RPGRIP1L: variants seen among roughly 807,000 people sequenced by gnomAD.
RPGRIP1L encodes the protein RPGRIP1 like, also known as protein fantom.
Under a neutral mutation model 160.4 loss-of-function variants are expected in RPGRIP1L, and 131 were observed. The observed-to-expected ratio is 0.82, with a 90% CI of 0.71 to 0.94. The LOEUF (loss-of-function observed/expected upper bound fraction) is 0.94, where lower values mean the gene tolerates loss of function less well. Among genes scored for constraint, RPGRIP1L ranks in the 40% least tolerant of loss-of-function variants. The pLI, the probability that RPGRIP1L is intolerant of heterozygous loss-of-function variation, is 0.00. For synonymous variants in RPGRIP1L, 510 were observed against 515.8 expected (o/e 0.99, Z 0.15); for missense variants, 1,522 against 1,535.8 (o/e 0.99, Z 0.15).
intron 22 of RPGRIP1L, among the ~76,000 whole-genome samples, chr16:53,626,224 T>G (rs1965168025): frequency 1.3e-5 from 2 of 150,234 alleles, no homozygotes; most frequent in Non-Finnish European, 3.0e-5. Context: ...AATAATATAC[T>G]GATTCAAATG....
intron 6 of RPGRIP1L, among the ~76,000 whole-genome samples, chr16:53,680,139 ATGTTAAGTCAC>A (rs1236742236): frequency 1.3e-5 from 2 of 152,206 alleles, no homozygotes; most frequent in African/African-American, 4.8e-5. Flanking sequence ...GCAGGAGGCT[ATGTTAAGTCAC>A]TATCAAGGAA....
At chr16:53,703,411 T>C (rs145409991) in intron 1 of RPGRIP1L, 4 of 152,406 alleles carry the variant, frequency 2.6e-5, no homozygotes, top group Non-Finnish European at 4.4e-5. Context: ...ACAAATAATA[T>C]ATAATTAAGC....
chr16:53,697,506 C>T (rs1482339528), intron 2 of RPGRIP1L, among the ~76,000 whole-genome samples: 6 of 152,030 alleles, frequency 3.9e-5, no homozygotes, highest in African/African-American at 9.6e-5. Flanking sequence ...CGATTGCAGG[C>T]GCACGCCGCC....
intron 22 of RPGRIP1L, among the ~76,000 whole-genome samples, chr16:53,632,904 C>T (rs1965609387): frequency 6.6e-6 from 1 of 152,182 alleles, no homozygotes; most frequent in Admixed American, 6.5e-5. Flanking sequence ...TGAATGCTCC[C>T]ATAGCACCCC....
At chr16:53,615,848 C>T (rs1256992241) in intron 24 of RPGRIP1L, among the ~76,000 whole-genome samples, 5 of 152,090 alleles carry the variant, frequency 3.3e-5, no homozygotes, top group African/African-American at 1.2e-4. Context: ...CTGTCCACCT[C>T]AGCCTCCCAA....
In RPGRIP1L at chr16:53,652,517, C is replaced by A. The variant is rs779046720; in HGVS notation, c.2152+18G>T. 2 of 1,589,916 alleles carry A rather than the reference C, an allele frequency of 1.3e-6. No individual in the cohort carries two copies. The highest frequency in any genetic ancestry group is 1.7e-6 in the Non-Finnish European group (2 of 1,158,324). ...AAATTAGTAATTCAAACACCCAAGG[C>A]TTATACATTGTACTTACCAATCAAA... On this transcript the variant is annotated intron_variant, in intron 15 of 26. Transcript: ENST00000647211.
intron 24 of RPGRIP1L, among the ~76,000 whole-genome samples, chr16:53,618,051 C>G (rs190041640): frequency 6.6e-6 from 1 of 152,176 alleles, no homozygotes; most frequent in Admixed American, 6.5e-5. Context: ...TATTCCTCTC[C>G]AATTATATAC....
At chr16:53,643,356 CT>C (rs1966359925) in intron 17 of RPGRIP1L, among the ~76,000 whole-genome samples, 1 of 150,214 alleles carries the variant, frequency 6.7e-6, no homozygotes, top group Admixed American at 6.6e-5. Flanking sequence ...CTATTTATAG[CT>C]CATGATGTGG....
chr16:53,621,881 G>C (rs1327269490), intron 23 of RPGRIP1L, among the ~76,000 whole-genome samples: 3 of 151,424 alleles, frequency 2.0e-5, no homozygotes, highest in Admixed American at 6.6e-5. Flanking sequence ...AAATCAATCG[G>C]GTGTGGTGGC....
intron 25 of RPGRIP1L, among the ~76,000 whole-genome samples, chr16:53,609,151 C>A (rs1295655612): frequency 6.6e-6 from 1 of 152,210 alleles, no homozygotes; most frequent in East Asian, 1.9e-4. Flanking sequence ...TACAGTGGCA[C>A]AACCATTGCT....
rs1056099030 is a variant in RPGRIP1L at position 53,600,407 on chromosome 16, G to C, written c.*1669C>G. 6 of 152,612 alleles carry C rather than the reference G, an allele frequency of 3.9e-5. No homozygotes were observed. Among genetic ancestry groups the C allele is most frequent in the African/African-American group, 1.4e-4 (6 of 41,428 alleles). 9.5% of individuals were successfully genotyped at this position (152,612 alleles called of 1,614,324 possible). A position where few individuals can be genotyped will look rare whatever the true frequency, so the allele number is the denominator to read the frequency against. ...CCAGAAGGTTCCAGAGGAACGAGTT[G>C]TTATGAAGATTTGCAGAGTTGGATG... On this transcript the variant is annotated 3_prime_UTR_variant, in exon 27 of 27. Transcript: ENST00000647211.
At chr16:53,611,092 C>A in intron 24 of RPGRIP1L, 41 bp from the exon 25 acceptor site, 1 of 1,311,938 alleles carries the variant, frequency 7.6e-7, no homozygotes, top group South Asian at 1.2e-5. Flanking sequence ...GGAAGTCACT[C>A]AGGAATAGGC....
At chr16:53,682,270 G>A (rs1324322030) in intron 6 of RPGRIP1L, among the ~76,000 whole-genome samples, 1 of 152,064 alleles carries the variant, frequency 6.6e-6, no homozygotes, top group African/African-American at 2.4e-5. Flanking sequence ...AAGTTCCTTT[G>A]CCTGTAATAG....
At chr16:53,696,075 A>G (rs1970733270) in intron 3 of RPGRIP1L, 76 bp downstream of exon 3, 1 of 1,385,640 alleles carries the variant, frequency 7.2e-7, no homozygotes, top group African/African-American at 1.4e-5. Flanking sequence ...TGGGGTATTC[A>G]ATTAAGTTTA....
rs118151421 is a variant in RPGRIP1L, at chr16:53,643,868, G to A, written c.2683+1757C>T. Among the ~76,000 whole-genome samples, 512 of 152,124 alleles carry A rather than the reference G, an allele frequency of 3.4e-3. 2 individuals are homozygous for A. Among genetic ancestry groups the A allele is most frequent in the Non-Finnish European group, 5.1e-3 (344 of 67,982 alleles). On this transcript the variant is annotated intron_variant, in intron 17 of 26. Transcript: ENST00000647211. ...AATAGGAAAATGTACTGCATACACA[G>A]CAAAAAAACCCATCAATAGACAGTT...
At chr16:53,617,944 A>C (rs1480305223) in intron 24 of RPGRIP1L, among the ~76,000 whole-genome samples, 1 of 152,240 alleles carries the variant, frequency 6.6e-6, no homozygotes, top group African/African-American at 2.4e-5. Context: ...TAAAAATAAC[A>C]CAACACTCCA....
chr16:53,610,487 T>C (rs199779442), intron 25 of RPGRIP1L, among the ~76,000 whole-genome samples: 2 of 152,208 alleles, frequency 1.3e-5, no homozygotes, highest in East Asian at 3.9e-4. Flanking sequence ...CTATCTGTGT[T>C]ACATATATTA....
At chr16:53,695,260 C>T (rs1970668282) in intron 3 of RPGRIP1L, 2 of 686,306 alleles carry the variant, frequency 2.9e-6, no homozygotes, top group Admixed American at 2.1e-5. Context: ...AGGAATCAGG[C>T]AAGTGAGTCA....
chr16:53,622,152 C>T lies in RPGRIP1L; in HGVS notation c.3432+67G>A, dbSNP rs113961478. Reference sequence around the variant, plus strand: ...GGCAGAGGTGGGCGGATCATGAGGTCGGGAGTTTGAGACCAGCATGGCCAA... The same window carrying T: ...GGCAGAGGTGGGCGGATCATGAGGTTGGGAGTTTGAGACCAGCATGGCCAA... On this transcript the variant is annotated intron_variant, in intron 23 of 26. Coordinates refer to ENST00000647211, the MANE Select transcript of RPGRIP1L (RefSeq NM_015272.5). 0.21 allele frequency: 103,558 copies of T among 503,578 alleles called. 11,268 individuals carry two copies. Among genetic ancestry groups the T allele is most frequent in the Middle Eastern group, 0.33 (623 of 1,906 alleles). The allele number at this position is 503,578 out of a possible 1,614,324, so 31.2% of individuals were successfully genotyped here.
Sources: allele counts gnomAD v4.1 joint callset (sites outside exome capture counted in the v4.1 genomes callset), GRCh38; gene constraint gnomAD v4.1.1; transcripts MANE v1.5; gene names NCBI Gene and HGNC (gene_info 2026-07-23, HGNC 2026-07-21).